The following CERS6 variants were observed in gnomAD, a reference collection of about 807,000 sequenced individuals.
CERS6 encodes the protein ceramide synthase 6.
A neutral mutation model predicts 56.8 loss-of-function variants in CERS6; 26 were observed. The observed-to-expected ratio is 0.46, with a 90% CI of 0.34 to 0.63. CERS6 has a LOEUF of 0.63. Among genes scored for constraint, CERS6 ranks in the 30% least tolerant of loss-of-function variants. CERS6 has a pLI of 0.01. For missense variants in CERS6, 415 were observed against 467.5 expected, an observed-to-expected ratio of 0.89 and a Z score of 1.04; for synonymous variants, 164 against 173.3, an observed-to-expected ratio of 0.95 and a Z score of 0.42.
At chr2:168,471,000 T>TAGGC (rs200999313) in intron 1 of CERS6, among the ~76,000 whole-genome samples, 15,573 of 152,154 alleles carry the variant, frequency 0.1, 960 homozygotes, top group East Asian at 0.18. Context: ...CTCTAAGCTT[T>TAGGC]AAACAGGCTT....
intron 1 of CERS6, among the ~76,000 whole-genome samples, chr2:168,490,140 G>A (rs1442811100): frequency 6.6e-6 from 1 of 152,114 alleles, no homozygotes; most frequent in Non-Finnish European, 1.5e-5. Flanking sequence ...TCTAGACTTA[G>A]TTCAGTTCTT....
chr2:168,614,877 C>T (rs1174885166), intron 3 of CERS6, among the ~76,000 whole-genome samples: 1 of 152,130 alleles, frequency 6.6e-6, no homozygotes, highest in African/African-American at 2.4e-5. Flanking sequence ...ACAGCTGATG[C>T]TCTCTTCAAA....
chr2:168,641,675 C>T (rs1018406678), intron 4 of CERS6, among the ~76,000 whole-genome samples: 4 of 152,060 alleles, frequency 2.6e-5, no homozygotes, highest in Admixed American at 2.0e-4. Context: ...TTGTTTCGTC[C>T]CTGAGCCACG....
intron 3 of CERS6, among the ~76,000 whole-genome samples, chr2:168,569,223 A>G (rs1269946729): frequency 6.6e-6 from 1 of 152,044 alleles, no homozygotes; most frequent in African/African-American, 2.4e-5. Flanking sequence ...TCCTCTTCTT[A>G]TAAGAACACC....
chr2:168,553,796 GAATGTT>G (rs1695620472), intron 2 of CERS6, among the ~76,000 whole-genome samples: 1 of 152,172 alleles, frequency 6.6e-6, no homozygotes, highest in African/African-American at 2.4e-5. Context: ...GTGACAGACA[GAATGTT>G]AATGTTCTAG....
chr2:168,530,201 C>T (rs1206656805), intron 1 of CERS6, among the ~76,000 whole-genome samples: 2 of 152,170 alleles, frequency 1.3e-5, no homozygotes, highest in Non-Finnish European at 2.9e-5. Context: ...CTGGAAGCAG[C>T]AGTTAGAGAT....
At chr2:168,468,212 C>T (rs975483739) in intron 1 of CERS6, among the ~76,000 whole-genome samples, 1 of 152,158 alleles carries the variant, frequency 6.6e-6, no homozygotes, top group Non-Finnish European at 1.5e-5. Flanking sequence ...AGAGAGACCC[C>T]CATCCCCAAA....
At chr2:168,467,508 CTATT>C (rs1693902013) in intron 1 of CERS6, among the ~76,000 whole-genome samples, 1 of 152,216 alleles carries the variant, frequency 6.6e-6, no homozygotes, top group Middle Eastern at 3.4e-3. Context: ...TTTTGTATAT[CTATT>C]GCAATTAATA....
chr2:168,732,937 A>C (rs1191421898), intron 8 of CERS6, among the ~76,000 whole-genome samples: 1 of 152,156 alleles, frequency 6.6e-6, no homozygotes, highest in Non-Finnish European at 1.5e-5. Flanking sequence ...ATAGATAAAT[A>C]TATATATATC....
intron 1 of CERS6, among the ~76,000 whole-genome samples, chr2:168,491,831 C>T (rs1694380003): frequency 6.6e-6 from 1 of 152,130 alleles, no homozygotes; most frequent in African/African-American, 2.4e-5. Flanking sequence ...CATGTGTTCT[C>T]ATTGTTCAGC....
At chr2:168,684,568 G>A (rs1180716503) in intron 4 of CERS6, among the ~76,000 whole-genome samples, 1 of 152,106 alleles carries the variant, frequency 6.6e-6, no homozygotes, top group African/African-American at 2.4e-5. Flanking sequence ...TTTCTTAAAA[G>A]AATCTTCAAT....
intron 3 of CERS6, among the ~76,000 whole-genome samples, chr2:168,595,145 A>C (rs149889243): frequency 3.9e-4 from 60 of 152,300 alleles, no homozygotes; most frequent in African/African-American, 1.4e-3. Context: ...CTAACACTCA[A>C]AGCAGTTCAT....
intron 3 of CERS6, among the ~76,000 whole-genome samples, chr2:168,604,934 T>C (rs765834554): frequency 1.1e-4 from 16 of 152,104 alleles, no homozygotes; most frequent in Non-Finnish European, 2.2e-4. Flanking sequence ...GAGAGTGGGG[T>C]ATTGATATAA....
chr2:168,560,268 G>A (rs79404522), intron 2 of CERS6, among the ~76,000 whole-genome samples: 19 of 152,278 alleles, frequency 1.2e-4, no homozygotes, highest in Admixed American at 5.2e-4. Flanking sequence ...TACCTCCCCC[G>A]CTGGGTCCTG....
intron 9 of CERS6, among the ~76,000 whole-genome samples, chr2:168,769,140 G>A (rs903699242): frequency 1.3e-5 from 2 of 152,078 alleles, no homozygotes; most frequent in Admixed American, 1.3e-4. Context: ...CAAGGAGAAT[G>A]TGATCATCAA....
At chr2:168,523,043 A>G (rs10930329) in intron 1 of CERS6, among the ~76,000 whole-genome samples, 26,704 of 152,234 alleles carry the variant, frequency 0.18, 2,719 homozygotes, top group Middle Eastern at 0.23. Flanking sequence ...AAGTAACAGT[A>G]CCTGATTGAT....
chr2:168,587,664 A>G (rs770601781), intron 3 of CERS6, among the ~76,000 whole-genome samples: 1 of 152,154 alleles, frequency 6.6e-6, no homozygotes, highest in Admixed American at 6.5e-5. Flanking sequence ...GAGAAAAAAA[A>G]TGCTTCAGTG....
At chr2:168,579,547 C>T (rs556128254) in intron 3 of CERS6, among the ~76,000 whole-genome samples, 1 of 152,264 alleles carries the variant, frequency 6.6e-6, no homozygotes, top group African/African-American at 2.4e-5. Flanking sequence ...CAGGGACCTC[C>T]ACACCCCCTT....
intron 1 of CERS6, among the ~76,000 whole-genome samples, chr2:168,495,306 C>A (rs977146956): frequency 1.3e-5 from 2 of 152,178 alleles, no homozygotes; most frequent in Non-Finnish European, 2.9e-5. Context: ...TGAACCTGTG[C>A]AACATTCAGT....
Sources: allele counts gnomAD v4.1 joint callset (sites outside exome capture counted in the v4.1 genomes callset), GRCh38; gene constraint gnomAD v4.1.1; transcripts MANE v1.5; gene names NCBI Gene and HGNC (gene_info 2026-07-23, HGNC 2026-07-21).